The following PDE6A variants were observed in gnomAD, a reference collection of about 807,000 sequenced individuals.
PDE6A encodes phosphodiesterase 6A, also known as rod cGMP-specific 3',5'-cyclic phosphodiesterase subunit alpha.
In PDE6A, 84 loss-of-function variants were observed where a neutral mutation model predicts 106.3. The observed-to-expected ratio is 0.79, with a 90% CI of 0.66 to 0.95. The LOEUF (loss-of-function observed/expected upper bound fraction) is 0.95, where lower values mean the gene tolerates loss of function less well. PDE6A is among the 40% of genes least tolerant of loss of function. The probability of loss-of-function intolerance (pLI) is 0.00; values close to 1 mark genes in which losing one functional copy is unlikely to be tolerated. For missense variants in PDE6A, 1,052 were observed against 1,084.9 expected (o/e 0.97, Z 0.43); for synonymous variants, 394 against 386.6 (o/e 1.02, Z -0.23).
chr5:149,867,152 T>A (rs558921696), intron 19 of PDE6A: 20 of 187,342 alleles, frequency 1.1e-4, no homozygotes, highest in African/African-American at 4.0e-4. Flanking sequence ...CTTTTACCCA[T>A]CCTTTCCAAA....
At chr5:149,895,038 A>C (rs1308436531) in intron 13 of PDE6A, 145 bp downstream of exon 13, 2 of 671,000 alleles carry the variant, frequency 3.0e-6, no homozygotes, top group Non-Finnish European at 5.5e-6. Context: ...ATCCTTTTAC[A>C]CTAAGCCCGT....
rs958686768 is a variant in PDE6A, at chr5:149,860,634, G to T, written c.*261C>A. The T allele has an allele frequency of 4.8e-6, 2 of 416,516 alleles. No homozygotes were observed. Among genetic ancestry groups the T allele is most frequent in the African/African-American group, 4.0e-5 (2 of 49,698 alleles). The allele number at this position is 416,516 out of a possible 1,614,324, so 25.8% of individuals were successfully genotyped here. A position where few individuals can be genotyped will look rare whatever the true frequency, so the allele number is the denominator to read the frequency against. On this transcript the variant is annotated 3_prime_UTR_variant, in exon 22 of 22. Transcript: ENST00000255266. ...TTCATAAACTTTCTTAAAACATTAT[G>T]AAATTTTTTTTTTTGGCGATTTTTT...
chr5:149,879,956 T>A (rs186081332), intron 17 of PDE6A, among the ~76,000 whole-genome samples: 113 of 152,264 alleles, frequency 7.4e-4, no homozygotes, highest in Non-Finnish European at 1.3e-3. Flanking sequence ...ACTGATGAAC[T>A]TACACCTTTC....
chr5:149,892,493 C>CTTTT (rs56059807), intron 13 of PDE6A, among the ~76,000 whole-genome samples: 1 of 135,502 alleles, frequency 7.4e-6, no homozygotes, highest in African/African-American at 2.7e-5. Flanking sequence ...CTTTTCTTTC[C>CTTTT]TTTTTTTTTT....
At chr5:149,944,091 C>A in intron 1 of PDE6A, 109 bp downstream of exon 1, 1 of 781,718 alleles carries the variant, frequency 1.3e-6, no homozygotes, top group African/African-American at 1.7e-5. Context: ...GAAGAAGCAC[C>A]ATGTTGTCAC....
intron 1 of PDE6A, among the ~76,000 whole-genome samples, chr5:149,943,754 G>A (rs73271610): frequency 1.5e-3 from 226 of 151,600 alleles, no homozygotes; most frequent in African/African-American, 5.3e-3. Flanking sequence ...TGGAAGTACT[G>A]TGGAGGTACT....
chr5:149,874,383 G>A (rs1254348429), intron 17 of PDE6A, among the ~76,000 whole-genome samples: 1 of 152,020 alleles, frequency 6.6e-6, no homozygotes, highest in Admixed American at 6.6e-5. Flanking sequence ...CAAATCTCAG[G>A]GAAACACTTT....
rs777499795 is a variant in PDE6A at position 149,944,246 on chromosome 5, T to C, written c.428A>G (p.His143Arg). The change falls in exon 1 of 22, where the codon CAT becomes CGT. Residue 143 changes from histidine (H) to arginine (R), a missense_variant. His to Arg is a conservative substitution (Grantham distance 29, BLOSUM62 0). Around this residue, in one of 3 missense-constraint regions of PDE6A, gnomAD observed 913 missense variants for 915.2 expected, o/e 1.00. Coordinates refer to ENST00000255266, the MANE Select transcript of PDE6A (RefSeq NM_000440.3). ...AGCAATCTTCTTAGAGTGTGCGACA[T>C]GGCCCACGATGCCCATGTCCAAAGG... ...VFPLDMGIVG[H>R]VAHSKKIANV... is the part of the protein sequence containing the mutation. 7.4e-6 allele frequency: 12 copies of C among 1,613,888 alleles called. No homozygotes were observed. The highest frequency in any genetic ancestry group is 1.0e-5 in the Non-Finnish European group (12 of 1,180,022).
intron 17 of PDE6A, among the ~76,000 whole-genome samples, chr5:149,871,269 G>C (rs1760540391): frequency 6.6e-6 from 1 of 152,170 alleles, no homozygotes; most frequent in Non-Finnish European, 1.5e-5. Flanking sequence ...AAGAGGCTGG[G>C]CTCACATGGT....
chr5:149,923,220 G>A (rs560115848), intron 4 of PDE6A, among the ~76,000 whole-genome samples: 62 of 152,062 alleles, frequency 4.1e-4, no homozygotes, highest in Non-Finnish European at 8.1e-4. Flanking sequence ...GGCCAAGGTC[G>A]GGCACGGTGG....
At chr5:149,896,332 C>A (rs766595811) in intron 12 of PDE6A, 24 bp downstream of exon 12, 9 of 1,582,494 alleles carry the variant, frequency 5.7e-6, no homozygotes, top group South Asian at 1.1e-5. Context: ...AAAGGGAAAT[C>A]ATATATATTT....
At chr5:149,905,750 T>C (rs954275008) in intron 7 of PDE6A, among the ~76,000 whole-genome samples, 2 of 152,266 alleles carry the variant, frequency 1.3e-5, no homozygotes, top group Admixed American at 1.3e-4. Flanking sequence ...CTGTCTTTGC[T>C]GAGATTCTCA....
intron 6 of PDE6A, among the ~76,000 whole-genome samples, chr5:149,909,519 G>A (rs1238990531): frequency 6.6e-6 from 1 of 152,134 alleles, no homozygotes; most frequent in Non-Finnish European, 1.5e-5. Context: ...ATTCTCTTAT[G>A]GTTCCCTTCA....
intron 21 of PDE6A, 57 bp from the exon 22 acceptor site, chr5:149,861,028 C>G: frequency 6.7e-7 from 1 of 1,497,048 alleles, no homozygotes; most frequent in Non-Finnish European, 9.2e-7. Context: ...AGTGGGCTTC[C>G]CCTTTGACCT....
rs1018241581 is a variant in PDE6A, at chr5:149,913,201, G to T, written c.998+1742C>A. 9.9e-5 allele frequency among the ~76,000 whole-genome samples: 15 copies of T among 152,094 alleles called. 2 individuals carry two copies. The highest frequency in any genetic ancestry group is 8.5e-4 in the Admixed American group (13 of 15,264). On this transcript the variant is annotated intron_variant, in intron 6 of 21. Transcript: ENST00000255266. ...GTTTGAGACCAGCCTGACCAACATG[G>T]CGAAACCCCATCTCTACTAAAAATA...
At chr5:149,915,336 A>G (rs1156535406) in intron 5 of PDE6A, among the ~76,000 whole-genome samples, 1 of 152,214 alleles carries the variant, frequency 6.6e-6, no homozygotes, top group Non-Finnish European at 1.5e-5. Flanking sequence ...AGAGTCAAAT[A>G]GAAGTTCAAC....
rs193302063 is a variant in PDE6A at position 149,918,417 on chromosome 5, T to C, written c.933+3218A>G. Among the ~76,000 whole-genome samples, 5 of 152,284 alleles carry C rather than the reference T, an allele frequency of 3.3e-5. No individual in the cohort carries two copies. The East Asian group carries it at 9.6e-4, about 29-fold the overall frequency. The stretch of plus-strand genomic sequence containing the variant: ...AGTGGTGGTGGTGGAATACGTATAC[T>C]TCTCTGTGGATATCTGGATATACCT... On this transcript the variant is annotated intron_variant, in intron 5 of 21. Coordinates refer to ENST00000255266, the MANE Select transcript of PDE6A (RefSeq NM_000440.3).
chr5:149,888,309 A>C (rs755792313), intron 13 of PDE6A, among the ~76,000 whole-genome samples: 9 of 152,196 alleles, frequency 5.9e-5, no homozygotes, highest in Admixed American at 4.6e-4. Flanking sequence ...TTCACAGACG[A>C]TTGATCTACA....
chr5:149,942,072 C>A (rs933186050), intron 1 of PDE6A, among the ~76,000 whole-genome samples: 8 of 152,018 alleles, frequency 5.3e-5, no homozygotes, highest in African/African-American at 1.9e-4. Flanking sequence ...AGTGATGCTC[C>A]CATCTCAGCC....
Sources: gnomAD v4.1 joint callset for allele counts (sites outside exome capture counted in the v4.1 genomes callset) on GRCh38, gnomAD v4.1.1 for gene constraint, gnomAD v4.1.1 regional missense constraint, MANE v1.5 for transcripts, NCBI Gene and HGNC (gene_info 2026-07-23, HGNC 2026-07-21) for gene names.